Variants in FGF10 observed in about 807,000 individuals in gnomAD.
FGF10 encodes the protein fibroblast growth factor 10.
Under a neutral mutation model 19.8 loss-of-function variants are expected in FGF10, and 2 were observed. That is an observed-to-expected ratio of 0.10 (90% confidence interval 0.04 to 0.32). FGF10 has a LOEUF of 0.32. Ranked by LOEUF, FGF10 falls within the 10% of genes least tolerant of loss-of-function variation. The probability of loss-of-function intolerance (pLI) is 1.00; values close to 1 mark genes in which losing one functional copy is unlikely to be tolerated. For synonymous variants in FGF10, 112 were observed against 94.0 expected (o/e 1.19, Z -1.10); for missense variants, 191 against 246.3 (o/e 0.78, Z 1.50).
intron 1 of FGF10, among the ~76,000 whole-genome samples, chr5:44,376,490 CAA>C (rs764913349): frequency 4.1e-4 from 14 of 34,540 alleles, no homozygotes; most frequent in South Asian, 3.5e-3. Context: ...ATACAAATGC[CAA>C]AAAAAAAAAA....
intron 1 of FGF10, 100 bp downstream of exon 1, chr5:44,388,258 A>G: frequency 1.9e-6 from 2 of 1,066,134 alleles, no homozygotes; most frequent in East Asian, 2.4e-5. Context: ...GGGGTTGGGG[A>G]CGTAAATATT....
At chr5:44,331,168 C>G (rs1047299391) in intron 1 of FGF10, among the ~76,000 whole-genome samples, 1 of 151,942 alleles carries the variant, frequency 6.6e-6, no homozygotes, top group Admixed American at 6.6e-5. Context: ...TCTGACAAGC[C>G]TCTTCCTTTT....
chr5:44,321,613 T>G (rs1740491273), intron 1 of FGF10, among the ~76,000 whole-genome samples: 3 of 152,218 alleles, frequency 2.0e-5, no homozygotes, highest in Admixed American at 6.5e-5. Context: ...CTGTGTCATC[T>G]ACAGAGAAAT....
chr5:44,354,840 A>T (rs1033024446), intron 1 of FGF10, among the ~76,000 whole-genome samples: 6 of 151,478 alleles, frequency 4.0e-5, no homozygotes, highest in Non-Finnish European at 8.9e-5. Context: ...TATAATAACA[A>T]TCCAACAATT....
chr5:44,315,675 G>T (rs1004684407), intron 1 of FGF10, among the ~76,000 whole-genome samples: 2 of 152,070 alleles, frequency 1.3e-5, no homozygotes, highest in African/African-American at 4.8e-5. Flanking sequence ...ACATATCATA[G>T]TTAGCACAAT....
Position 44,301,543 on chromosome 5 carries a change from C to T in FGF10, c.*3452G>A, listed in dbSNP as rs965813607. Among the ~76,000 whole-genome samples, 3 of 152,138 alleles carry T rather than the reference C, an allele frequency of 2.0e-5. No homozygotes were observed. Among genetic ancestry groups the T allele is most frequent in the South Asian group, 4.1e-4 (2 of 4,834 alleles). On this transcript the variant is annotated 3_prime_UTR_variant, in exon 3 of 3. Coordinates refer to ENST00000264664, the MANE Select transcript of FGF10 (RefSeq NM_004465.2). ...CAGATTCTGCAGCCACCTGGCTTTCCTCCAAAAGTCTTCCATTGTTTCATA... is the reference window on the plus strand; with the variant it reads ...CAGATTCTGCAGCCACCTGGCTTTCTTCCAAAAGTCTTCCATTGTTTCATA...
At chr5:44,315,786 T>A (rs1740332507) in intron 1 of FGF10, among the ~76,000 whole-genome samples, 1 of 152,128 alleles carries the variant, frequency 6.6e-6, no homozygotes, top group Non-Finnish European at 1.5e-5. Flanking sequence ...CAGAAGGACT[T>A]AGGGAGCTCC....
intron 1 of FGF10, among the ~76,000 whole-genome samples, chr5:44,339,225 G>T (rs978959732): frequency 6.6e-6 from 1 of 151,904 alleles, no homozygotes; most frequent in African/African-American, 2.4e-5. Context: ...TACATCTCAG[G>T]TTCTAAATGT....
At chr5:44,338,635 AGAAACATTTATTAT>A (rs1740902690) in intron 1 of FGF10, among the ~76,000 whole-genome samples, 2 of 152,210 alleles carry the variant, frequency 1.3e-5, no homozygotes, top group African/African-American at 4.8e-5. Context: ...ACAAGTTCAA[AGAAACATTTATTAT>A]GAAAAGGCTA....
intron 1 of FGF10, among the ~76,000 whole-genome samples, chr5:44,351,361 T>C (rs184195156): frequency 6.6e-6 from 1 of 151,754 alleles, no homozygotes; most frequent in Admixed American, 6.6e-5. Flanking sequence ...TTCTCATATT[T>C]TTGATAATTA....
At chr5:44,346,552 T>A (rs1029565854) in intron 1 of FGF10, among the ~76,000 whole-genome samples, 13 of 151,796 alleles carry the variant, frequency 8.6e-5, no homozygotes, top group African/African-American at 3.1e-4. Context: ...TCCAGCCCAC[T>A]TGGCCTTCTT....
At chr5:44,348,725 A>G (rs544072310) in intron 1 of FGF10, among the ~76,000 whole-genome samples, 8 of 151,584 alleles carry the variant, frequency 5.3e-5, no homozygotes, top group Admixed American at 4.6e-4. Context: ...GGACATATTT[A>G]TAAAAAGAAT....
intron 1 of FGF10, among the ~76,000 whole-genome samples, chr5:44,353,201 T>C (rs1579926970): frequency 6.6e-6 from 1 of 151,646 alleles, no homozygotes; most frequent in East Asian, 1.9e-4. Context: ...GCATAGTCCA[T>C]AGTCCCTCTT....
At chr5:44,310,314 C>CTAT in intron 2 of FGF10, 113 bp downstream of exon 2, 1 of 735,208 alleles carries the variant, frequency 1.4e-6, no homozygotes, top group Admixed American at 2.0e-5. Context: ...CACTGTGGCT[C>CTAT]TATTTACTAG....
At position 44,300,970 on chromosome 5, in the gene FGF10, A is replaced by G. The variant is rs1426659070; in HGVS notation, c.*4025T>C. On this transcript the variant is annotated 3_prime_UTR_variant, in exon 3 of 3. Coordinates refer to ENST00000264664, the MANE Select transcript of FGF10 (RefSeq NM_004465.2). ...TGGAGTAGGAAAGAAGTAGACTAGAAGCAATCTGGCCTAACCAAATAAAAC... is the reference window on the plus strand; with the variant it reads ...TGGAGTAGGAAAGAAGTAGACTAGAGGCAATCTGGCCTAACCAAATAAAAC... Among the ~76,000 whole-genome samples, 2 of 152,130 alleles carry G rather than the reference A, an allele frequency of 1.3e-5. No individual in the cohort carries two copies. Among genetic ancestry groups the G allele is most frequent in the Non-Finnish European group, 2.9e-5 (2 of 68,020 alleles).
rs113704944 is a variant in FGF10 at position 44,341,771 on chromosome 5, G to T, written c.326-31241C>A. Among the ~76,000 whole-genome samples the T allele has an allele frequency of 9.9e-5, 15 of 151,990 alleles. 3 individuals carry two copies. The highest frequency in any genetic ancestry group is 3.4e-4 in the African/African-American group (14 of 41,498). On this transcript the variant is annotated intron_variant, in intron 1 of 2. Transcript: ENST00000264664. ...ACTGGGGAGAAATCATGGGACAGTG[G>T]GTTCATCATGGAATTTAAAATCAGA...
chr5:44,327,157 A>G (rs1050544861), intron 1 of FGF10, among the ~76,000 whole-genome samples: 1 of 152,148 alleles, frequency 6.6e-6, no homozygotes, highest in East Asian at 1.9e-4. Flanking sequence ...TGCATATTCA[A>G]CTCAAAATAA....
At chr5:44,327,365 T>G (rs1432619016) in intron 1 of FGF10, among the ~76,000 whole-genome samples, 2 of 152,204 alleles carry the variant, frequency 1.3e-5, no homozygotes, top group Non-Finnish European at 2.9e-5. Context: ...CTTTTTCTTC[T>G]AAATTCACTT....
At chr5:44,322,400 G>A (rs1740514377) in intron 1 of FGF10, among the ~76,000 whole-genome samples, 1 of 152,158 alleles carries the variant, frequency 6.6e-6, no homozygotes, top group Non-Finnish European at 1.5e-5. Context: ...TAAAGAGGCT[G>A]AGCCAGGGCC....
Sources: allele counts gnomAD v4.1 joint callset (sites outside exome capture counted in the v4.1 genomes callset), GRCh38; gene constraint gnomAD v4.1.1; transcripts MANE v1.5; gene names NCBI Gene and HGNC (gene_info 2026-07-23, HGNC 2026-07-21).